The following RIPOR2 variants were observed in gnomAD, a reference collection of about 807,000 sequenced individuals.
RIPOR2 encodes the protein RHO family interacting cell polarization regulator 2, also known as rho family-interacting cell polarization regulator 2.
In RIPOR2, 39 loss-of-function variants were observed where a neutral mutation model predicts 114.5. That is an observed-to-expected ratio of 0.34 (90% CI 0.26 to 0.44). The LOEUF is 0.44. RIPOR2 is among the 20% of genes least tolerant of loss of function. The probability of loss-of-function intolerance (pLI) is 1.00; values close to 1 mark genes in which losing one functional copy is unlikely to be tolerated. For missense variants in RIPOR2, 1,007 were observed against 1,255.1 expected (o/e 0.80, Z 2.99); for synonymous variants, 445 against 484.4 (o/e 0.92, Z 1.07).
At chr6:24,956,296 C>G (rs1259386274) in intron 1 of RIPOR2, among the ~76,000 whole-genome samples, 1 of 152,086 alleles carries the variant, frequency 6.6e-6, no homozygotes, top group Non-Finnish European at 1.5e-5. Context: ...AATATTTTTG[C>G]ATGACTACAA....
chr6:24,956,948 C>T (rs995109140), intron 1 of RIPOR2, among the ~76,000 whole-genome samples: 1 of 152,140 alleles, frequency 6.6e-6, no homozygotes, highest in African/African-American at 2.4e-5. Context: ...ACAAATGATC[C>T]AAGTTTTATT....
chr6:25,020,712 A>G (rs1776277650), intron 1 of RIPOR2, among the ~76,000 whole-genome samples: 1 of 152,228 alleles, frequency 6.6e-6, no homozygotes, highest in African/African-American at 2.4e-5. Context: ...ACAGGTATTC[A>G]ATGTCCAAAA....
chr6:24,924,502 T>TA (rs974062228), intron 1 of RIPOR2, among the ~76,000 whole-genome samples: 1 of 152,138 alleles, frequency 6.6e-6, no homozygotes, highest in African/African-American at 2.4e-5. Context: ...TCCTTAGTCT[T>TA]ACGGTGTTTC....
At chr6:24,902,218 C>CTT (rs112603611) in intron 1 of RIPOR2, among the ~76,000 whole-genome samples, 15 of 143,450 alleles carry the variant, frequency 1.0e-4, no homozygotes, top group African/African-American at 3.6e-4. Flanking sequence ...CTTTCTTTTT[C>CTT]TTTTTTTTTT....
At chr6:24,848,296 T>C in intron 11 of RIPOR2, 142 bp from the exon 12 acceptor site, 1 of 820,794 alleles carries the variant, frequency 1.2e-6, no homozygotes, top group Non-Finnish European at 1.8e-6. Context: ...CTAAACTGCT[T>C]TGCAGAAAAT....
intron 18 of RIPOR2, among the ~76,000 whole-genome samples, chr6:24,825,668 C>T (rs999297015): frequency 1.3e-5 from 2 of 152,200 alleles, no homozygotes; most frequent in Non-Finnish European, 2.9e-5. Flanking sequence ...GGGTTTCTAT[C>T]TCATAATGGC....
At chr6:24,870,320 A>C (rs1480915844) in intron 5 of RIPOR2, among the ~76,000 whole-genome samples, 2 of 152,236 alleles carry the variant, frequency 1.3e-5, no homozygotes, top group Non-Finnish European at 2.9e-5. Context: ...TTATAAAAAC[A>C]CTACAACCCA....
chr6:24,911,412 T>C (rs1769583474), intron 1 of RIPOR2, among the ~76,000 whole-genome samples: 1 of 151,888 alleles, frequency 6.6e-6, no homozygotes, highest in Non-Finnish European at 1.5e-5. Context: ...CCCTTTCAGC[T>C]AACCTTTTGG....
intron 1 of RIPOR2, among the ~76,000 whole-genome samples, chr6:24,887,455 T>A (rs532880054): frequency 1.3e-5 from 2 of 152,348 alleles, no homozygotes; most frequent in African/African-American, 4.8e-5. Context: ...AGATAACATA[T>A]GTAAAAGACT....
chr6:24,925,943 G>A (rs969956866), intron 1 of RIPOR2, among the ~76,000 whole-genome samples: 2 of 152,052 alleles, frequency 1.3e-5, no homozygotes, highest in East Asian at 3.9e-4. Flanking sequence ...TAAAATTAAT[G>A]TTTACACACA....
At chr6:24,819,519 CTT>C (rs142511353) in intron 19 of RIPOR2, among the ~76,000 whole-genome samples, 1 of 145,556 alleles carries the variant, frequency 6.9e-6, no homozygotes, top group Non-Finnish European at 1.5e-5. Context: ...AGTACATTAT[CTT>C]TTTTTTTTTT....
At chr6:24,885,620 G>T (rs2113946718) in intron 1 of RIPOR2, among the ~76,000 whole-genome samples, 1 of 152,204 alleles carries the variant, frequency 6.6e-6, no homozygotes, top group Middle Eastern at 3.4e-3. Context: ...ACTCAGTTTG[G>T]GTTCTACAGC....
Position 24,849,884 on chromosome 6 carries a change from G to A in RIPOR2, c.952C>T (p.Leu318=), listed in dbSNP as rs1420935476. The A allele has an allele frequency of 6.2e-7, 1 of 1,613,908 alleles. No individual in the cohort carries two copies. The highest frequency in any genetic ancestry group is 8.5e-7 in the Non-Finnish European group (1 of 1,179,806). Reference sequence around the variant, plus strand: ...ACTACCTGAGGTCGGGCTGCAAACAGCTCTTTGGTCTCACAGGTCACGCTA... The same window carrying A: ...ACTACCTGAGGTCGGGCTGCAAACAACTCTTTGGTCTCACAGGTCACGCTA... ...VGSVTCETKE[L]FAARPQVVAV... The change falls in exon 11 of 22, where the codon CTG becomes TTG. Residue 318 remains leucine, a synonymous_variant. Transcript: ENST00000643898.
At chr6:24,851,893 A>G (rs1762973165) in intron 9 of RIPOR2, among the ~76,000 whole-genome samples, 1 of 152,186 alleles carries the variant, frequency 6.6e-6, no homozygotes, top group East Asian at 1.9e-4. Flanking sequence ...CCTATGTGAC[A>G]GAATGTCTTT....
intron 16 of RIPOR2, among the ~76,000 whole-genome samples, chr6:24,831,534 C>T (rs1012502303): frequency 1.3e-5 from 2 of 152,180 alleles, no homozygotes; most frequent in Admixed American, 1.3e-4. Context: ...AAGTCACTCA[C>T]AGCCTGAATG....
chr6:24,905,251 A>G (rs1162644563), intron 1 of RIPOR2, among the ~76,000 whole-genome samples: 2 of 152,044 alleles, frequency 1.3e-5, no homozygotes, highest in South Asian at 2.1e-4. Flanking sequence ...TTTATTTTAT[A>G]TCTTTTCTGC....
At chr6:25,005,694 G>GAGATAT (rs1554130519) in intron 1 of RIPOR2, among the ~76,000 whole-genome samples, 1 of 45,378 alleles carries the variant, frequency 2.2e-5, no homozygotes, top group African/African-American at 5.3e-5. Context: ...TCCCTATGGA[G>GAGATAT]ATATATATAT....
intron 1 of RIPOR2, among the ~76,000 whole-genome samples, chr6:25,018,101 T>TA (rs1047424579): frequency 6.6e-6 from 1 of 152,212 alleles, no homozygotes; most frequent in African/African-American, 2.4e-5. Context: ...TGACTGCTCT[T>TA]ACCTCCTTGC....
intron 1 of RIPOR2, among the ~76,000 whole-genome samples, chr6:24,997,445 C>T (rs915118158): frequency 1.3e-5 from 2 of 152,104 alleles, no homozygotes; most frequent in East Asian, 3.9e-4. Flanking sequence ...CTTACAGCCT[C>T]CATGAGCAAT....
Sources: gnomAD v4.1 joint callset for allele counts (sites outside exome capture counted in the v4.1 genomes callset) on GRCh38, gnomAD v4.1.1 for gene constraint, MANE v1.5 for transcripts, NCBI Gene and HGNC (gene_info 2026-07-23, HGNC 2026-07-21) for gene names.